MAPKAP1: variants seen among roughly 807,000 people sequenced by gnomAD.
MAPKAP1 encodes target of rapamycin complex 2 subunit MAPKAP1.
A neutral mutation model predicts 65.7 loss-of-function variants in MAPKAP1; 20 were observed. That is an observed-to-expected ratio of 0.30 (90% CI 0.21 to 0.44). MAPKAP1 has a LOEUF of 0.44. MAPKAP1 is among the 20% of genes least tolerant of loss of function. The pLI is 1.00. For missense variants in MAPKAP1, 423 were observed against 648.0 expected, an observed-to-expected ratio of 0.65 and a Z score of 3.77; for synonymous variants, 222 against 244.3, an observed-to-expected ratio of 0.91 and a Z score of 0.85.
intron 5 of MAPKAP1, chr9:125,565,741 CAAAAAAAAAA>C (rs71374275): frequency 2.6e-4 from 38 of 148,856 alleles, no homozygotes; most frequent in East Asian, 6.5e-4. Context: ...TTCTCTCCTG[CAAAAAAAAAA>C]AAAAAAAAAA....
intron 1 of MAPKAP1, among the ~76,000 whole-genome samples, chr9:125,674,816 T>G (rs1040924210): frequency 2.0e-5 from 3 of 152,124 alleles, no homozygotes; most frequent in African/African-American, 7.2e-5. Flanking sequence ...AATGCAAAGG[T>G]GAGTAAGGTA....
intron 6 of MAPKAP1, among the ~76,000 whole-genome samples, chr9:125,544,149 T>C (rs959601251): frequency 1.2e-4 from 18 of 152,150 alleles, no homozygotes; most frequent in African/African-American, 4.1e-4. Context: ...GAGCTGAGAT[T>C]ACAGGCGCCT....
intron 10 of MAPKAP1, among the ~76,000 whole-genome samples, chr9:125,449,902 G>C (rs144000950): frequency 0.022 from 3,391 of 152,114 alleles, 63 homozygotes; most frequent in South Asian, 0.057. Flanking sequence ...CTGAAAGAAG[G>C]GTCTTTTTTT....
chr9:125,680,774 A>G (rs575976454), intron 1 of MAPKAP1, among the ~76,000 whole-genome samples: 3 of 152,368 alleles, frequency 2.0e-5, no homozygotes, highest in African/African-American at 2.4e-5. Context: ...ACTTCAGCAG[A>G]GGAGCTGTGT....
chr9:125,535,270 C>T (rs745354992), intron 7 of MAPKAP1, among the ~76,000 whole-genome samples: 1 of 152,162 alleles, frequency 6.6e-6, no homozygotes, highest in Non-Finnish European at 1.5e-5. Context: ...CTTCAAGGAG[C>T]CATCAAATAA....
intron 7 of MAPKAP1, among the ~76,000 whole-genome samples, chr9:125,533,941 T>C (rs1488538243): frequency 2.6e-5 from 4 of 152,204 alleles, no homozygotes; most frequent in African/African-American, 9.6e-5. Flanking sequence ...AGAGCTAAGT[T>C]GAACAAATTA....
intron 4 of MAPKAP1, among the ~76,000 whole-genome samples, chr9:125,590,022 T>C (rs887724910): frequency 2.6e-5 from 4 of 152,208 alleles, no homozygotes; most frequent in East Asian, 3.9e-4. Context: ...CTGGAGTCGG[T>C]TGATAGCCCT....
Position 125,576,455 on chromosome 9 carries a change from A to AT in MAPKAP1, c.671+9099dup, listed in dbSNP as rs200344154. Among the ~76,000 whole-genome samples the AT allele has an allele frequency of 2.9e-4, 44 of 152,254 alleles. No individual in the cohort carries two copies. In the East Asian group the frequency reaches 5.8e-3, roughly 20 times the overall value. ...CTGCTCTAAAAAATAGTCGATTAAA[A>AT]TTTTTTTAAAAAAACGAAGCATAGC... On this transcript the variant is annotated intron_variant, in intron 5 of 11. Coordinates refer to ENST00000265960, the MANE Select transcript of MAPKAP1 (RefSeq NM_001006617.3).
At chr9:125,621,625 A>C (rs1486042094) in intron 4 of MAPKAP1, among the ~76,000 whole-genome samples, 1 of 152,220 alleles carries the variant, frequency 6.6e-6, no homozygotes, top group East Asian at 1.9e-4. Flanking sequence ...AAAGTCAGAT[A>C]AGAAGTTAAC....
chr9:125,483,088 C>T (rs533943507), intron 9 of MAPKAP1, among the ~76,000 whole-genome samples: 2 of 152,316 alleles, frequency 1.3e-5, no homozygotes, highest in East Asian at 3.9e-4. Flanking sequence ...ACTCTACTGC[C>T]TCCCAACTAA....
At chr9:125,620,677 T>C (rs190753712) in intron 4 of MAPKAP1, among the ~76,000 whole-genome samples, 1 of 152,178 alleles carries the variant, frequency 6.6e-6, no homozygotes, top group Non-Finnish European at 1.5e-5. Flanking sequence ...TGCAGCTATA[T>C]GAAGGGATGA....
chr9:125,524,417 A>G (rs1046801535), intron 7 of MAPKAP1, among the ~76,000 whole-genome samples: 12 of 152,208 alleles, frequency 7.9e-5, no homozygotes, highest in African/African-American at 2.9e-4. Context: ...AATAGCAACT[A>G]TTTCTTAATA....
chr9:125,677,557 G>A (rs954417738), intron 1 of MAPKAP1, among the ~76,000 whole-genome samples: 6 of 152,092 alleles, frequency 3.9e-5, no homozygotes, highest in African/African-American at 9.7e-5. Context: ...GTAGGGGGGC[G>A]TGGTGGTGCG....
intron 9 of MAPKAP1, among the ~76,000 whole-genome samples, chr9:125,477,429 T>G (rs1255819392): frequency 6.6e-6 from 1 of 152,204 alleles, no homozygotes; most frequent in Non-Finnish European, 1.5e-5. Flanking sequence ...AAGAAAGTCC[T>G]TTCAATACTG....
At chr9:125,635,512 C>A (rs543933136) in intron 4 of MAPKAP1, among the ~76,000 whole-genome samples, 1 of 152,190 alleles carries the variant, frequency 6.6e-6, no homozygotes, top group Admixed American at 6.5e-5. Context: ...TGCTAAAATG[C>A]GCCCTACCTT....
chr9:125,600,965 T>A (rs1206184206), intron 4 of MAPKAP1, among the ~76,000 whole-genome samples: 1 of 152,226 alleles, frequency 6.6e-6, no homozygotes, highest in East Asian at 1.9e-4. Context: ...CTCTTCATTA[T>A]TAAATCATTT....
At chr9:125,611,520 G>C (rs1432584192) in intron 4 of MAPKAP1, among the ~76,000 whole-genome samples, 2 of 152,190 alleles carry the variant, frequency 1.3e-5, no homozygotes, top group Non-Finnish European at 2.9e-5. Flanking sequence ...TGTCTGAAAA[G>C]ACAGTGGCTG....
chr9:125,609,011 C>A (rs1315136730), intron 4 of MAPKAP1, among the ~76,000 whole-genome samples: 1 of 152,016 alleles, frequency 6.6e-6, no homozygotes, highest in African/African-American at 2.4e-5. Flanking sequence ...TAAGAAGATA[C>A]ACAAGAATTA....
chr9:125,677,993 C>A (rs1341121192), intron 1 of MAPKAP1, among the ~76,000 whole-genome samples: 1 of 152,130 alleles, frequency 6.6e-6, no homozygotes. Flanking sequence ...TCACGGCTCA[C>A]TGCAGCTTCA....
Sources: gnomAD v4.1 joint callset for allele counts (sites outside exome capture counted in the v4.1 genomes callset) on GRCh38, gnomAD v4.1.1 for gene constraint, MANE v1.5 for transcripts, NCBI Gene and HGNC (gene_info 2026-07-23, HGNC 2026-07-21) for gene names.